The following GLRB variants were observed in gnomAD, a reference collection of about 807,000 sequenced individuals.
GLRB encodes the protein glycine receptor subunit beta.
Under a neutral mutation model 54.2 loss-of-function variants are expected in GLRB, and 33 were observed. The ratio of observed to expected loss-of-function variants is 0.61; its 90% CI spans 0.46 to 0.81. The LOEUF is 0.81. Ranked by LOEUF, GLRB falls within the 40% of genes least tolerant of loss-of-function variation. The pLI is 0.00. For missense variants in GLRB, 572 were observed against 584.6 expected, an observed-to-expected ratio of 0.98 and a Z score of 0.22; for synonymous variants, 209 against 208.2, an observed-to-expected ratio of 1.00 and a Z score of -0.03.
chr4:157,141,938 T>C (rs75060020), intron 7 of GLRB, among the ~76,000 whole-genome samples: 5,187 of 152,152 alleles, frequency 0.034, 133 homozygotes, highest in South Asian at 0.079. Context: ...ACTATGCTAC[T>C]TTGTAGTAAA....
chr4:157,120,550 T>A lies in GLRB; in HGVS notation c.123-6T>A. On this transcript the variant is annotated splice_polypyrimidine_tract_variant and splice_region_variant and intron_variant, in intron 2 of 9. Transcript: ENST00000264428. Reference sequence around the variant, plus strand: ...CTACTTATCAGGATTTTTCTCTCTCTTATAGTCAGCAGTCAGCAGAGGACC... The same window carrying A: ...CTACTTATCAGGATTTTTCTCTCTCATATAGTCAGCAGTCAGCAGAGGACC... 1 of 1,506,512 alleles carries A rather than the reference T, an allele frequency of 6.6e-7. No individual in the cohort carries two copies. The highest frequency in any genetic ancestry group is 9.2e-7 in the Non-Finnish European group (1 of 1,084,174). 93.3% of individuals were successfully genotyped at this position (1,506,512 alleles called of 1,614,324 possible).
intron 4 of GLRB, among the ~76,000 whole-genome samples, chr4:157,125,886 T>C (rs1294366539): frequency 1.3e-5 from 2 of 151,984 alleles, no homozygotes; most frequent in African/African-American, 4.8e-5. Context: ...AGGTGGAGGT[T>C]GCAGTGAGCT....
At chr4:157,122,763 G>T (rs1326565665) in intron 4 of GLRB, among the ~76,000 whole-genome samples, 1 of 151,650 alleles carries the variant, frequency 6.6e-6, no homozygotes, top group Non-Finnish European at 1.5e-5. Flanking sequence ...AAGTATTCAA[G>T]TTTTTTTCTT....
rs1579175843 is a variant in GLRB at position 157,078,147 on chromosome 4, G to A, written c.122+1G>A. 3 of 1,611,892 alleles carry A rather than the reference G, an allele frequency of 1.9e-6. No homozygotes were observed. The highest frequency in any genetic ancestry group is 1.7e-6 in the Non-Finnish European group (2 of 1,178,438). On this transcript the variant is annotated splice_donor_variant, in intron 2 of 9. Coordinates refer to ENST00000264428, the MANE Select transcript of GLRB (RefSeq NM_000824.5). LOFTEE classifies it high-confidence loss of function. Reference sequence around the variant, plus strand: ...AAAAGAAGCAGTATCTATGCCCATCGTATGTTCTTCATGTCTTATATTCTT... The same window carrying A: ...AAAAGAAGCAGTATCTATGCCCATCATATGTTCTTCATGTCTTATATTCTT...
At chr4:157,090,683 T>A (rs1734577782) in intron 2 of GLRB, among the ~76,000 whole-genome samples, 1 of 152,196 alleles carries the variant, frequency 6.6e-6, no homozygotes. Context: ...CTTTGAGTGG[T>A]TCTTTTGTCC....
chr4:157,157,044 A>G (rs10007930), intron 9 of GLRB, among the ~76,000 whole-genome samples: 152,099 of 152,222 alleles, frequency 1, 75,988 homozygotes, highest in Middle Eastern at 1. Flanking sequence ...CTGCTGGGCG[A>G]GATTGGGGGT....
At chr4:157,143,627 T>C (rs572846992) in intron 7 of GLRB, among the ~76,000 whole-genome samples, 180 bp from the exon 8 acceptor site, 10 of 152,334 alleles carry the variant, frequency 6.6e-5, no homozygotes, top group African/African-American at 2.2e-4. Context: ...ACTGGTTCCA[T>C]AATGTCACCC....
At chr4:157,097,074 T>C (rs1490425426) in intron 2 of GLRB, among the ~76,000 whole-genome samples, 1 of 152,216 alleles carries the variant, frequency 6.6e-6, no homozygotes, top group Non-Finnish European at 1.5e-5. Context: ...TTCTAGAGCA[T>C]TAAAATTAGA....
chr4:157,162,448 G>C (rs374010250), intron 9 of GLRB, among the ~76,000 whole-genome samples: 16 of 152,230 alleles, frequency 1.1e-4, no homozygotes, highest in East Asian at 5.8e-4. Flanking sequence ...TTTCTACTCT[G>C]GTTTCTCCCT....
At chr4:157,090,462 T>A (rs1734570653) in intron 2 of GLRB, among the ~76,000 whole-genome samples, 1 of 152,198 alleles carries the variant, frequency 6.6e-6, no homozygotes, top group Admixed American at 6.5e-5. Context: ...TTGGTTGAAG[T>A]ACGTGAAGAC....
rs561983866 is a variant in GLRB, at chr4:157,144,828, A to C, written c.904+869A>C. On this transcript the variant is annotated intron_variant, in intron 8 of 9. Coordinates refer to ENST00000264428, the MANE Select transcript of GLRB (RefSeq NM_000824.5). ...ACTTACTGGAGGAATTAAATGAAATACAGATTTTAAAGAGTAGGAAGCTAG... is the reference window on the plus strand; with the variant it reads ...ACTTACTGGAGGAATTAAATGAAATCCAGATTTTAAAGAGTAGGAAGCTAG... Among the ~76,000 whole-genome samples, 42 of 152,308 alleles carry C rather than the reference A, an allele frequency of 2.8e-4. No individual in the cohort carries two copies. The South Asian group carries it at 7.7e-3, about 28-fold the overall frequency.
At chr4:157,156,272 ATT>A (rs1192496430) in intron 9 of GLRB, among the ~76,000 whole-genome samples, 1 of 151,982 alleles carries the variant, frequency 6.6e-6, no homozygotes, top group African/African-American at 2.4e-5. Flanking sequence ...GGTTATTCTA[ATT>A]TTTTTGCTGC....
At chr4:157,110,287 A>G (rs1735370458) in intron 2 of GLRB, among the ~76,000 whole-genome samples, 1 of 151,932 alleles carries the variant, frequency 6.6e-6, no homozygotes, top group Non-Finnish European at 1.5e-5. Flanking sequence ...TATATATCTT[A>G]TTATAAGTTA....
chr4:157,101,314 T>C (rs535160653), intron 2 of GLRB, among the ~76,000 whole-genome samples: 2 of 152,234 alleles, frequency 1.3e-5, no homozygotes, highest in East Asian at 3.9e-4. Flanking sequence ...TGACCTATAA[T>C]GTTCTGAATT....
intron 9 of GLRB, among the ~76,000 whole-genome samples, chr4:157,159,711 G>C (rs973787934): frequency 1.3e-5 from 2 of 152,144 alleles, no homozygotes; most frequent in African/African-American, 4.8e-5. Context: ...TAACCTTTTT[G>C]ATGTGCTGCT....
chr4:157,112,241 C>T (rs1489119199), intron 2 of GLRB, among the ~76,000 whole-genome samples: 2 of 151,946 alleles, frequency 1.3e-5, no homozygotes, highest in Non-Finnish European at 2.9e-5. Flanking sequence ...TAGAATTCCT[C>T]AGCTGAATCC....
intron 4 of GLRB, among the ~76,000 whole-genome samples, chr4:157,131,904 T>G (rs146105496): frequency 6.6e-6 from 1 of 151,974 alleles, no homozygotes; most frequent in Non-Finnish European, 1.5e-5. Context: ...CTGACATGTT[T>G]TCAGCTCCTT....
At chr4:157,167,642 G>A (rs1465797363) in intron 9 of GLRB, among the ~76,000 whole-genome samples, 1 of 152,184 alleles carries the variant, frequency 6.6e-6, no homozygotes, top group Non-Finnish European at 1.5e-5. Context: ...TATTTAAAGA[G>A]TTTAGATTTT....
chr4:157,110,644 A>G (rs941151829), intron 2 of GLRB, among the ~76,000 whole-genome samples: 47 of 151,734 alleles, frequency 3.1e-4, no homozygotes, highest in African/African-American at 1.1e-3. Context: ...TTGGAGTTTT[A>G]TTTTATTCCT....
Sources: gnomAD v4.1 joint callset for allele counts (sites outside exome capture counted in the v4.1 genomes callset) on GRCh38, gnomAD v4.1.1 for gene constraint, MANE v1.5 for transcripts, NCBI Gene and HGNC (gene_info 2026-07-23, HGNC 2026-07-21) for gene names.